The following XPO4 variants were observed in gnomAD, a reference collection of about 807,000 sequenced individuals.
XPO4 encodes the protein exportin-4.
In XPO4, 39 loss-of-function variants were observed where a neutral mutation model predicts 143.0. The ratio of observed to expected loss-of-function variants is 0.27; its 90% CI spans 0.21 to 0.36. The LOEUF is 0.36. Ranked by LOEUF, XPO4 falls within the 10% of genes least tolerant of loss-of-function variation. The probability of loss-of-function intolerance (pLI) is 1.00; values close to 1 mark genes in which losing one functional copy is unlikely to be tolerated. For missense variants in XPO4, 907 were observed against 1,348.0 expected (o/e 0.67, Z 5.12); for synonymous variants, 439 against 474.0 (o/e 0.93, Z 0.96).
At chr13:20,805,731 A>G (rs1236320350) in intron 13 of XPO4, among the ~76,000 whole-genome samples, 1 of 152,224 alleles carries the variant, frequency 6.6e-6, no homozygotes, top group East Asian at 1.9e-4. Context: ...AAAGAGTTCT[A>G]AAAGAGAAGT....
At chr13:20,868,840 G>C in intron 1 of XPO4, 139 bp from the exon 2 acceptor site, 2 of 699,242 alleles carry the variant, frequency 2.9e-6, no homozygotes, top group Non-Finnish European at 2.3e-6. Flanking sequence ...ACTTTTTAAG[G>C]AATTATAGTA....
At chr13:20,786,693 A>G (rs1030724342) in intron 22 of XPO4, among the ~76,000 whole-genome samples, 2 of 152,166 alleles carry the variant, frequency 1.3e-5, no homozygotes, top group Non-Finnish European at 2.9e-5. Flanking sequence ...TTGTTTAAGG[A>G]CAGGCTTTGG....
intron 4 of XPO4, among the ~76,000 whole-genome samples, chr13:20,847,781 T>G (rs950298763): frequency 6.6e-6 from 1 of 152,184 alleles, no homozygotes; most frequent in Non-Finnish European, 1.5e-5. Context: ...GATAAAAGAC[T>G]GCCATACTAA....
intron 1 of XPO4, among the ~76,000 whole-genome samples, chr13:20,871,863 G>C (rs369456356): frequency 6.6e-6 from 1 of 152,196 alleles, no homozygotes; most frequent in South Asian, 2.1e-4. Flanking sequence ...ATTTATGTCA[G>C]ATTTTAGAAA....
At chr13:20,895,169 C>A (rs532045566) in intron 1 of XPO4, among the ~76,000 whole-genome samples, 1 of 152,014 alleles carries the variant, frequency 6.6e-6, no homozygotes, top group Admixed American at 6.6e-5. Flanking sequence ...CAGAGTGAGA[C>A]TCCATCTCAA....
intron 1 of XPO4, among the ~76,000 whole-genome samples, chr13:20,892,618 G>A (rs1054060185): frequency 6.6e-6 from 1 of 152,102 alleles, no homozygotes; most frequent in Non-Finnish European, 1.5e-5. Flanking sequence ...AGTCCAGCAA[G>A]AGAGACCAAC....
chr13:20,866,364 G>T, intron 2 of XPO4: 2 of 984,854 alleles, frequency 2.0e-6, no homozygotes, highest in Non-Finnish European at 2.4e-6. Flanking sequence ...TGAGAAGGAA[G>T]AATTTTAAGA....
At chr13:20,869,123 T>C (rs571394615) in intron 1 of XPO4, among the ~76,000 whole-genome samples, 132 of 152,242 alleles carry the variant, frequency 8.7e-4, no homozygotes, top group African/African-American at 3.0e-3. Context: ...TAAAAATCAG[T>C]TTCCAAAAGC....
intron 1 of XPO4, among the ~76,000 whole-genome samples, chr13:20,874,648 T>A (rs983442444): frequency 9.2e-5 from 14 of 152,216 alleles, no homozygotes; most frequent in Non-Finnish European, 1.9e-4. Flanking sequence ...CCTCATCAGA[T>A]GCCGGCACCA....
rs1177059624 is a variant in XPO4, at chr13:20,782,872, C to A, written c.*850G>T. On this transcript the variant is annotated 3_prime_UTR_variant, in exon 23 of 23. Coordinates refer to ENST00000255305, the MANE Select transcript of XPO4 (RefSeq NM_022459.5). The stretch of plus-strand genomic sequence containing the variant: ...AGTTCCTAAGGTTATTTTTACGGAA[C>A]AAAAATATACATGTATTTTCCTCCT... The A allele has an allele frequency of 1.3e-5, 2 of 152,372 alleles. No homozygotes were observed. Among genetic ancestry groups the A allele is most frequent in the Non-Finnish European group, 2.9e-5 (2 of 67,984 alleles). The allele number at this position is 152,372 out of a possible 1,614,324, so 9.4% of individuals were successfully genotyped here.
chr13:20,783,358 T>TAAAAAAAAAAAA lies in XPO4; in HGVS notation c.*363_*364insTTTTTTTTTTTT. ...TGCCTAGCATATATCCATTTCATAT[T>TAAAAAAAAAAAA]TAATGACAAAAATTCTAAACTTTGG... On this transcript the variant is annotated 3_prime_UTR_variant, in exon 23 of 23. Coordinates refer to ENST00000255305, the MANE Select transcript of XPO4 (RefSeq NM_022459.5). 3.9e-6 allele frequency: 1 copy of TAAAAAAAAAAAA among 256,166 alleles called. No individual in the cohort carries two copies. The highest frequency in any genetic ancestry group is 7.5e-6 in the Non-Finnish European group (1 of 132,478). 15.9% of individuals were successfully genotyped at this position (256,166 alleles called of 1,614,324 possible).
At chr13:20,800,087 CT>C in intron 15 of XPO4, 68 bp downstream of exon 15, 1 of 1,566,268 alleles carries the variant, frequency 6.4e-7, no homozygotes, top group East Asian at 2.3e-5. Context: ...AAGGACTACA[CT>C]AAGAAGTGAA....
rs528847808 is a variant in XPO4 at position 20,792,446 on chromosome 13, A to G, written c.2798-1866T>C. ...TATCTGCTAAAAAAGGCGGGCACCTATAGTCCCAGGTACTTGGGAGGCTGA... is the reference window on the plus strand; with the variant it reads ...TATCTGCTAAAAAAGGCGGGCACCTGTAGTCCCAGGTACTTGGGAGGCTGA... On this transcript the variant is annotated intron_variant, in intron 18 of 22. Coordinates refer to ENST00000255305, the MANE Select transcript of XPO4 (RefSeq NM_022459.5). Among the ~76,000 whole-genome samples, 11 of 152,202 alleles carry G rather than the reference A, an allele frequency of 7.2e-5. No individual in the cohort carries two copies. In the East Asian group the frequency reaches 1.4e-3, roughly 19 times the overall value.
chr13:20,857,624 G>A (rs899497941), intron 3 of XPO4, among the ~76,000 whole-genome samples: 4 of 152,230 alleles, frequency 2.6e-5, no homozygotes, highest in Admixed American at 2.0e-4. Flanking sequence ...CTACTCGGGA[G>A]GCTGAGGCAG....
At chr13:20,851,156 CAAG>C (rs1479499106) in intron 4 of XPO4, 4 of 985,060 alleles carry the variant, frequency 4.1e-6, no homozygotes, top group Non-Finnish European at 4.8e-6. Flanking sequence ...CTTAACAGTC[CAAG>C]AAGAAGAGAG....
intron 9 of XPO4, among the ~76,000 whole-genome samples, chr13:20,819,637 G>A (rs868642690): frequency 2.0e-4 from 31 of 152,050 alleles, no homozygotes; most frequent in African/African-American, 5.8e-4. Context: ...TCCAGCCTGG[G>A]CGACAGAGCG....
intron 4 of XPO4, chr13:20,849,217 C>T: frequency 1.0e-6 from 1 of 985,404 alleles, no homozygotes; most frequent in Non-Finnish European, 1.2e-6. Flanking sequence ...GGTTGCCATA[C>T]ATAAAGCAGA....
chr13:20,862,647 A>T, intron 3 of XPO4, 70 bp downstream of exon 3: 2 of 1,580,480 alleles, frequency 1.3e-6, no homozygotes, highest in Non-Finnish European at 1.7e-6. Flanking sequence ...AAATGCAAAC[A>T]AAAAAAGCTC....
intron 9 of XPO4, among the ~76,000 whole-genome samples, chr13:20,810,589 T>C (rs1017702195): frequency 2.6e-5 from 4 of 152,252 alleles, no homozygotes; most frequent in Non-Finnish European, 5.9e-5. Context: ...TGGTTCTCCA[T>C]CTTTTTGGTT....
Sources: allele counts gnomAD v4.1 joint callset (sites outside exome capture counted in the v4.1 genomes callset), GRCh38; gene constraint gnomAD v4.1.1; transcripts MANE v1.5; gene names NCBI Gene and HGNC (gene_info 2026-07-23, HGNC 2026-07-21).